TBC1D28: variants seen among roughly 807,000 people sequenced by gnomAD.
TBC1D28 encodes the protein TBC1 domain family member 28.
In TBC1D28, 20 loss-of-function variants were observed where a neutral mutation model predicts 29.2. The observed-to-expected ratio is 0.68, with a 90% CI of 0.48 to 0.99. The LOEUF (loss-of-function observed/expected upper bound fraction) is 0.99, where lower values mean the gene tolerates loss of function less well. TBC1D28 is among the 50% of genes least tolerant of loss of function. TBC1D28 has a pLI of 0.00. For synonymous variants in TBC1D28, 65 were observed against 90.9 expected (o/e 0.71, Z 1.62); for missense variants, 205 against 243.7 (o/e 0.84, Z 1.06).
chr17:18,640,365 C>T (rs2031706936), intron 4 of TBC1D28, among the ~76,000 whole-genome samples: 3 of 144,434 alleles, frequency 2.1e-5, no homozygotes, highest in South Asian at 2.3e-4. Context: ...CCCCCTCCCC[C>T]AGGCTCCTCC....
chr17:18,641,380 C>G lies in TBC1D28; in HGVS notation c.-1-27G>C, dbSNP rs577199646. On this transcript the variant is annotated intron_variant, in intron 2 of 8. Coordinates refer to ENST00000345096, the Ensembl canonical transcript of TBC1D28. ...TGCAAGACAAAGTCATCCCAAGGCT[C>G]TCCCGCACCCAAGAGCTCCAGAGAA... 3 of 1,607,686 alleles carry G rather than the reference C, an allele frequency of 1.9e-6. No homozygotes were observed. In the South Asian group the frequency reaches 3.3e-5, roughly 18 times the overall value.
rs1329119598 is a variant in TBC1D28, at chr17:18,638,868, C to T, written c.199-167G>A. 1.3e-5 allele frequency: 12 copies of T among 922,600 alleles called. No homozygotes were observed. The East Asian group carries it at 3.1e-4, about 24-fold the overall frequency. 57.2% of individuals were successfully genotyped at this position (922,600 alleles called of 1,614,324 possible). A position where few individuals can be genotyped will look rare whatever the true frequency, so the allele number is the denominator to read the frequency against. On this transcript the variant is annotated intron_variant, in intron 5 of 8. Transcript: ENST00000345096. Reference sequence around the variant, plus strand: ...CTCTGAAGGAACTGGAGCTGGTAGTCTGGACTGGTGATGCCAGGACATGCC... The same window carrying T: ...CTCTGAAGGAACTGGAGCTGGTAGTTTGGACTGGTGATGCCAGGACATGCC...
At chr17:18,643,268 T>G (rs548833551), upstream of TBC1D28, among the ~76,000 whole-genome samples, 317 of 152,124 alleles carry the variant, frequency 2.1e-3, no homozygotes, top group African/African-American at 7.2e-3. Context: ...TGTAAAATGC[T>G]GGGTGTGAGT....
At chr17:18,639,378 C>G (rs2031666487) in intron 4 of TBC1D28, among the ~76,000 whole-genome samples, 164 bp from the exon 6 acceptor site, 1 of 104,810 alleles carries the variant, frequency 9.5e-6, no homozygotes, top group African/African-American at 4.1e-5. Flanking sequence ...GGATCTGACA[C>G]TAGCAAGGCA....
intron 3 of TBC1D28, 78 bp from the exon 5 acceptor site, chr17:18,641,182 CCACCCTGTGATCTT>C: frequency 7.9e-7 from 1 of 1,259,568 alleles, no homozygotes; most frequent in Non-Finnish European, 1.1e-6. Context: ...CAGCCCCTCC[CCACCCTGTGATCTT>C]AGGAAGCCCA....
At chr17:18,638,025 C>G in intron 7 of TBC1D28, 52 bp from the exon 9 acceptor site, 5 of 1,449,380 alleles carry the variant, frequency 3.4e-6, no homozygotes, top group Non-Finnish European at 4.8e-6. Flanking sequence ...ACAAAAGACT[C>G]CCTGCCCCAA....
chr17:18,638,856 G>A (rs2031636218), intron 5 of TBC1D28, 155 bp from the exon 7 acceptor site: 2 of 967,070 alleles, frequency 2.1e-6, no homozygotes, highest in South Asian at 1.6e-5. Context: ...TGAAGGAACT[G>A]GAGCTGGTAG....
At chr17:18,642,124 A>G (rs1260334373) in exon 1 of TBC1D28, 1 of 153,134 alleles carries the variant, frequency 6.5e-6, no homozygotes, top group African/African-American at 2.4e-5. Context: ...CCAGACAGAG[A>G]GAATGGGACG....
intron 5 of TBC1D28, 161 bp downstream of exon 6, chr17:18,639,014 C>G: frequency 8.2e-7 from 1 of 1,215,956 alleles, no homozygotes; most frequent in Non-Finnish European, 1.1e-6. Context: ...TTTGGTCAAG[C>G]CCTCATGGGA....
downstream of TBC1D28, among the ~76,000 whole-genome samples, chr17:18,634,841 T>TCCTCAGCCCCTCAGCCG: frequency 1.1e-5 from 1 of 90,062 alleles, no homozygotes; most frequent in South Asian, 3.4e-4. Context: ...CCCCTCAGCC[T>TCCTCAGCCCCTCAGCCG]CCTCAGCCCC....
Position 18,638,438 on chromosome 17 carries a change from C to T in TBC1D28, c.280-18G>A, listed in dbSNP as rs2031606474. 2 of 1,613,954 alleles carry T rather than the reference C, an allele frequency of 1.2e-6. No homozygotes were observed. Among genetic ancestry groups the T allele is most frequent in the South Asian group, 1.1e-5 (1 of 91,078 alleles). On this transcript the variant is annotated intron_variant, in intron 6 of 8. Transcript: ENST00000345096. ...TGAGACAGCTACAGACAGAAGAACA[C>T]TCCAGTGAGAAAGGACATGGGGCAA... is the stretch of plus-strand genomic sequence containing the variant.
At chr17:18,641,392 A>G in intron 2 of TBC1D28, 39 bp from the exon 4 acceptor site, 6 of 1,540,882 alleles carry the variant, frequency 3.9e-6, no homozygotes, top group Non-Finnish European at 5.3e-6. Flanking sequence ...CCCGCACCCA[A>G]GAGCTCCAGA....
At chr17:18,638,357 G>A (rs1376645387) in exon 7 of TBC1D28, 1 of 1,614,234 alleles carries the variant, frequency 6.2e-7, no homozygotes, top group Admixed American at 1.7e-5. Context: ...TCAATATCTA[G>A]CAAAAGTGAC....
At position 18,641,260 on chromosome 17, in the gene TBC1D28, G is replaced by A; in HGVS notation, c.75+18C>T. On this transcript the variant is annotated intron_variant, in intron 3 of 8. Coordinates refer to ENST00000345096, the Ensembl canonical transcript of TBC1D28. ...AGGCGAGGCCCTGCTTCCCTTGAGGGAGCGGCCCAACTTGTACCTGCTCAT... is the reference window on the plus strand; with the variant it reads ...AGGCGAGGCCCTGCTTCCCTTGAGGAAGCGGCCCAACTTGTACCTGCTCAT... 6.2e-7 allele frequency: 1 copy of A among 1,605,976 alleles called. No homozygotes were observed. Among genetic ancestry groups the A allele is most frequent in the Non-Finnish European group, 8.5e-7 (1 of 1,176,272 alleles).
chr17:18,642,407 A>G (rs902970620), exon 1 of TBC1D28: 3 of 151,982 alleles, frequency 2.0e-5, no homozygotes, highest in Admixed American at 6.6e-5. Context: ...TGGCTCTTCC[A>G]GGACCAGACC....
upstream of TBC1D28, chr17:18,642,479 G>A (rs1312269317): frequency 1.3e-5 from 2 of 151,990 alleles, no homozygotes; most frequent in Non-Finnish European, 2.9e-5. Flanking sequence ...AGGCCTCAGC[G>A]GTCAAAGCTC....
exon 9 of TBC1D28, chr17:18,635,211 G>C (rs2031437211): frequency 6.5e-6 from 1 of 153,036 alleles, no homozygotes; most frequent in African/African-American, 2.4e-5. Flanking sequence ...GTCCCGGGCG[G>C]GGGCACCACC....
intron 8 of TBC1D28, among the ~76,000 whole-genome samples, 196 bp downstream of exon 9, chr17:18,637,668 T>C (rs2031562788): frequency 6.6e-6 from 1 of 152,038 alleles, no homozygotes; most frequent in African/African-American, 2.4e-5. Context: ...GTTCTGGCCC[T>C]ACATGTCCCA....
rs1003314363 is a variant in TBC1D28, at chr17:18,638,157, C to T, written c.387+156G>A. On this transcript the variant is annotated intron_variant, in intron 7 of 8. Coordinates refer to ENST00000345096, the Ensembl canonical transcript of TBC1D28. ...GGAGGGTCAGCAGAGCCCAGCGCAC[C>T]TGTGGTGCCTGAGTTACCATCTATG... is the stretch of plus-strand genomic sequence containing the variant. 6.2e-6 allele frequency: 8 copies of T among 1,289,450 alleles called. No individual in the cohort carries two copies. The African/African-American group carries it at 8.9e-5, about 14-fold the overall frequency. The allele number at this position is 1,289,450 out of a possible 1,614,324, so 79.9% of individuals were successfully genotyped here.
Sources: allele counts gnomAD v4.1 joint callset (sites outside exome capture counted in the v4.1 genomes callset), GRCh38; gene constraint gnomAD v4.1.1; transcripts MANE v1.5; gene names NCBI Gene and HGNC (gene_info 2026-07-23, HGNC 2026-07-21).